The following SCIN variants were observed in gnomAD, a reference collection of about 807,000 sequenced individuals.
SCIN encodes the protein adseverin.
In SCIN, 91 loss-of-function variants were observed where a neutral mutation model predicts 91.8. That is an observed-to-expected ratio of 0.99 (90% confidence interval 0.84 to 1.18). The LOEUF is 1.18. SCIN is among the 50% of genes most tolerant of loss of function. SCIN has a pLI of 0.00. For synonymous variants in SCIN, 367 were observed against 312.6 expected, an observed-to-expected ratio of 1.17 and a Z score of -1.84; for missense variants, 1,087 against 863.9, an observed-to-expected ratio of 1.26 and a Z score of -3.24.
At chr7:12,622,660 T>G (rs1783432608) in intron 4 of SCIN, 141 bp from the exon 5 acceptor site, 2 of 619,246 alleles carry the variant, frequency 3.2e-6, no homozygotes, top group Non-Finnish European at 5.7e-6. Context: ...CTACCTTGTA[T>G]GCATTGATGA....
chr7:12,618,121 A>C (rs11763533), intron 4 of SCIN, among the ~76,000 whole-genome samples: 69,085 of 151,918 alleles, frequency 0.45, 16,449 homozygotes, highest in Admixed American at 0.6. Flanking sequence ...TGAGGCCTCT[A>C]GGGCTGCACT....
At chr7:12,595,675 CA>C (rs1324120301) in intron 3 of SCIN, 1 of 152,146 alleles carries the variant, frequency 6.6e-6, no homozygotes, top group Non-Finnish European at 1.5e-5. Flanking sequence ...ACATTAGAAT[CA>C]TTTGGAAAAG....
intron 9 of SCIN, among the ~76,000 whole-genome samples, chr7:12,632,421 G>T (rs1783665455): frequency 6.6e-6 from 1 of 152,080 alleles, no homozygotes; most frequent in Admixed American, 6.5e-5. Context: ...ATGAGCCACT[G>T]CACCTGGCCT....
At chr7:12,634,958 G>A (rs1385331403) in intron 9 of SCIN, among the ~76,000 whole-genome samples, 1 of 151,802 alleles carries the variant, frequency 6.6e-6, no homozygotes, top group Non-Finnish European at 1.5e-5. Context: ...AGGCCGAGGC[G>A]GGTGGATCAC....
chr7:12,577,284 T>A (rs568098337), intron 1 of SCIN, among the ~76,000 whole-genome samples: 1 of 152,266 alleles, frequency 6.6e-6, no homozygotes, highest in Admixed American at 6.5e-5. Flanking sequence ...TTAAATTATA[T>A]TCATTTTCCC....
Position 12,640,504 on chromosome 7 carries a change from C to T in SCIN, c.1568C>T (p.Thr523Ile), listed in dbSNP as rs748507648. 6 of 1,610,640 alleles carry T rather than the reference C, an allele frequency of 3.7e-6. No individual in the cohort carries two copies. Among genetic ancestry groups the T allele is most frequent in the Non-Finnish European group, 4.2e-6 (5 of 1,178,442 alleles). The change falls in exon 11 of 16, where the codon ACC becomes ATC. Residue 523 changes from threonine to isoleucine, a missense_variant. Transcript: ENST00000297029. ...FQVRRNLASI[T>I]RIVEVDVDAN... Reference sequence around the variant, plus strand: ...GTCCGGAGAAACCTGGCATCTATCACCAGAATTGTGGAGGTAATGTCATGC... The same window carrying T: ...GTCCGGAGAAACCTGGCATCTATCATCAGAATTGTGGAGGTAATGTCATGC...
chr7:12,640,416 T>C lies in SCIN; in HGVS notation c.1480T>C (p.Tyr494His), dbSNP rs757531443. The change falls in exon 11 of 16, where the codon TAC becomes CAC. Residue 494 changes from tyrosine (Y) to histidine (H), a missense_variant. Transcript: ENST00000297029. ...SLFKDKPLIIYKNGTSKKGGQ... is the reference protein window; with the variant it reads ...SLFKDKPLIIHKNGTSKKGGQ... ...GTTCAAAGACAAACCGCTCATTATT[T>C]ACAAGAATGGAACATCAAAGAAAGG... is the stretch of plus-strand genomic sequence containing the variant. The C allele has an allele frequency of 3.1e-6, 5 of 1,613,632 alleles. No individual in the cohort carries two copies. Among genetic ancestry groups the C allele is most frequent in the Non-Finnish European group, 4.2e-6 (5 of 1,179,722 alleles).
intron 1 of SCIN, among the ~76,000 whole-genome samples, chr7:12,574,270 G>A (rs1206527431): frequency 1.3e-5 from 2 of 152,120 alleles, no homozygotes; most frequent in African/African-American, 2.4e-5. Context: ...AGGGAATCAT[G>A]CTGAGTGAAA....
At position 12,651,246 on chromosome 7, in the gene SCIN, G is replaced by A. The variant is rs750925440; in HGVS notation, c.1960-595G>A. 3.3e-5 allele frequency among the ~76,000 whole-genome samples: 5 copies of A among 152,144 alleles called. No individual in the cohort carries two copies. Among genetic ancestry groups the A allele is most frequent in the Non-Finnish European group, 7.3e-5 (5 of 68,028 alleles). On this transcript the variant is annotated intron_variant, in intron 14 of 15. Coordinates refer to ENST00000297029, the MANE Select transcript of SCIN (RefSeq NM_001112706.3). The surrounding 1 kb of genome is among the most constrained non-coding windows in gnomAD (Gnocchi z 5.9). The stretch of plus-strand genomic sequence containing the variant: ...TGTTATGGATAAAACCTCACATAAA[G>A]TATAGATGGTAAATGTTTCTTTCAG...
intron 1 of SCIN, among the ~76,000 whole-genome samples, chr7:12,571,948 C>T (rs2115195710): frequency 6.6e-6 from 1 of 152,202 alleles, no homozygotes; most frequent in East Asian, 1.9e-4. Context: ...AGCCTTTTTG[C>T]CTTCTTTTAA....
At position 12,640,330 on chromosome 7, in the gene SCIN, C is replaced by T. The variant is rs1419283381; in HGVS notation, c.1411-17C>T. On this transcript the variant is annotated splice_polypyrimidine_tract_variant and intron_variant, in intron 10 of 15. Coordinates refer to ENST00000297029, the MANE Select transcript of SCIN (RefSeq NM_001112706.3). The stretch of plus-strand genomic sequence containing the variant: ...ACTCTTAATTATATTTCTTTTATTC[C>T]CCCTCTCCCCCATCAGATCCGAGTC... The T allele has an allele frequency of 2.0e-6, 3 of 1,535,870 alleles. No homozygotes were observed. Among genetic ancestry groups the T allele is most frequent in the South Asian group, 2.6e-5 (2 of 77,250 alleles).
intron 3 of SCIN, among the ~76,000 whole-genome samples, chr7:12,586,884 A>T (rs1196076429): frequency 3.9e-5 from 6 of 152,172 alleles, no homozygotes; most frequent in Non-Finnish European, 8.8e-5. Context: ...AAATGAGCTC[A>T]TAGATCTAGA....
intron 2 of SCIN, among the ~76,000 whole-genome samples, chr7:12,579,033 C>T (rs1051082867): frequency 1.3e-5 from 2 of 151,150 alleles, no homozygotes; most frequent in Non-Finnish European, 2.9e-5. Context: ...CCCAGACAAA[C>T]ATCACAGATT....
At position 12,578,150 on chromosome 7, in the gene SCIN, A is replaced by T. The variant is rs377254667; in HGVS notation, c.286A>T (p.Asn96Tyr). 2.6e-6 allele frequency: 4 copies of T among 1,551,462 alleles called. No homozygotes were observed. The highest frequency in any genetic ancestry group is 3.5e-6 in the Non-Finnish European group (4 of 1,146,802). ...DDYLGGKPVQ[N>Y]RELQGYESND... ...CTATTTGGGTGGCAAGCCAGTGCAG[A>T]ATAGAGAACTTCAAGGATATGAGTC... The change falls in exon 2 of 16, where the codon AAT becomes TAT. Residue 96 changes from asparagine (N) to tyrosine (Y), a missense_variant. Physicochemically the swap from Asn to Tyr is moderately radical, Grantham distance 143. Coordinates refer to ENST00000297029, the MANE Select transcript of SCIN (RefSeq NM_001112706.3).
chr7:12,654,577 T>G lies in SCIN; in HGVS notation c.*1862T>G, dbSNP rs1191753782. ...AATATCTTCTGGGTCAAGCTGAATA[T>G]TTTTTGAAGGATGATGAGAATAAAA... On this transcript the variant is annotated 3_prime_UTR_variant, in exon 16 of 16. Transcript: ENST00000297029. 1 of 152,184 alleles carries G rather than the reference T, an allele frequency of 6.6e-6. No individual in the cohort carries two copies. The highest frequency in any genetic ancestry group is 1.5e-5 in the Non-Finnish European group (1 of 68,034). The allele number at this position is 152,184 out of a possible 1,614,324, so 9.4% of individuals were successfully genotyped here.
In SCIN at chr7:12,653,809, A is replaced by G. The variant is rs1159836757; in HGVS notation, c.*1094A>G. Reference sequence around the variant, plus strand: ...ATCTTAGCAATTTTTGTCCTGCAAGATTTCAGCAAAGCTACAGAAAAGTGA... The same window carrying G: ...ATCTTAGCAATTTTTGTCCTGCAAGGTTTCAGCAAAGCTACAGAAAAGTGA... On this transcript the variant is annotated 3_prime_UTR_variant, in exon 16 of 16. Coordinates refer to ENST00000297029, the MANE Select transcript of SCIN (RefSeq NM_001112706.3). The surrounding 1 kb of genome is among the most constrained non-coding windows in gnomAD (Gnocchi z 4.1). 6.6e-6 allele frequency: 1 copy of G among 152,224 alleles called. No individual in the cohort carries two copies. The highest frequency in any genetic ancestry group is 1.5e-5 in the Non-Finnish European group (1 of 68,044). 9.4% of individuals were successfully genotyped at this position (152,224 alleles called of 1,614,324 possible). A position where few individuals can be genotyped will look rare whatever the true frequency, so the allele number is the denominator to read the frequency against.
intron 4 of SCIN, among the ~76,000 whole-genome samples, chr7:12,605,624 T>C (rs535452042): frequency 1.2e-4 from 18 of 152,292 alleles, no homozygotes; most frequent in African/African-American, 4.3e-4. Flanking sequence ...TGAAACAAAA[T>C]GTGTGTTAAG....
At chr7:12,637,742 A>G (rs993168233) in intron 10 of SCIN, among the ~76,000 whole-genome samples, 2 of 152,200 alleles carry the variant, frequency 1.3e-5, no homozygotes, top group African/African-American at 4.8e-5. Context: ...ATAAAAAATT[A>G]CTTGTCGAGA....
At chr7:12,607,464 A>G (rs567865417) in intron 4 of SCIN, among the ~76,000 whole-genome samples, 2 of 152,402 alleles carry the variant, frequency 1.3e-5, no homozygotes, top group East Asian at 1.9e-4. Flanking sequence ...AATTAAAATA[A>G]GAAAAAGCAA....
Sources: gnomAD v4.1 joint callset for allele counts (sites outside exome capture counted in the v4.1 genomes callset) on GRCh38, gnomAD v4.1.1 for gene constraint, Gnocchi (gnomAD v3.1) non-coding constraint, MANE v1.5 for transcripts, NCBI Gene and HGNC (gene_info 2026-07-23, HGNC 2026-07-21) for gene names.